The following KCNQ2 variants were observed in gnomAD, a reference collection of about 807,000 sequenced individuals.
KCNQ2 encodes potassium voltage-gated channel subfamily Q member 2.
A neutral mutation model predicts 84.8 loss-of-function variants in KCNQ2; 14 were observed. The observed-to-expected ratio is 0.17, with a 90% CI of 0.11 to 0.26. KCNQ2 has a LOEUF of 0.26. Ranked by LOEUF, KCNQ2 falls within the 10% of genes least tolerant of loss-of-function variation. The pLI, the probability that KCNQ2 is intolerant of heterozygous loss-of-function variation, is 1.00. For synonymous variants in KCNQ2, 599 were observed against 554.1 expected (o/e 1.08, Z -1.14); for missense variants, 788 against 1,254.0 (o/e 0.63, Z 5.61).
intron 4 of KCNQ2, among the ~76,000 whole-genome samples, chr20:63,443,456 A>G: frequency 8.5e-6 from 1 of 117,526 alleles, no homozygotes; most frequent in Non-Finnish European, 1.8e-5. Context: ...CACCATCACC[A>G]TCACCACCAT....
chr20:63,433,800 C>A lies in KCNQ2; in HGVS notation c.1118+9G>T. Reference sequence around the variant, plus strand: ...CAGTTGCTTGGTGGCAGGTGCCCGGCGGCGGTACCTGTACATGGGCACGGT... The same window carrying A: ...CAGTTGCTTGGTGGCAGGTGCCCGGAGGCGGTACCTGTACATGGGCACGGT... On this transcript the variant is annotated intron_variant, in intron 8 of 16. Coordinates refer to ENST00000359125, the MANE Select transcript of KCNQ2 (RefSeq NM_172107.4). 2 of 1,613,828 alleles carry A rather than the reference C, an allele frequency of 1.2e-6. No individual in the cohort carries two copies. Among genetic ancestry groups the A allele is most frequent in the Non-Finnish European group, 1.7e-6 (2 of 1,179,878 alleles).
chr20:63,455,302 C>T (rs2081749649), intron 1 of KCNQ2, among the ~76,000 whole-genome samples: 1 of 152,232 alleles, frequency 6.6e-6, no homozygotes, highest in African/African-American at 2.4e-5. Context: ...TAGCTGGTCC[C>T]CAGCCCCAGA....
At position 63,406,992 on chromosome 20, in the gene KCNQ2, C is replaced by A; in HGVS notation, c.2271G>T (p.Gly757=). ...AHERSLSAYG[G]GNRASMEFLR... ...GGAACTCCATGCTGGCGCGGTTGCC[C>A]CCGCCGTAGGCGGACAGCGACCGCT... is the stretch of plus-strand genomic sequence containing the variant. The change falls in exon 17 of 17, where the codon GGG becomes GGT. Residue 757 remains glycine, a synonymous_variant. Transcript: ENST00000359125. The A allele has an allele frequency of 6.5e-7, 1 of 1,541,676 alleles. No homozygotes were observed. The highest frequency in any genetic ancestry group is 2.4e-5 in the East Asian group (1 of 41,598).
In KCNQ2 at chr20:63,414,466, T is replaced by C. The variant is rs1022556716; in HGVS notation, c.1526-273A>G. Among the ~76,000 whole-genome samples, 6 of 152,090 alleles carry C rather than the reference T, an allele frequency of 3.9e-5. No individual in the cohort carries two copies. The highest frequency in any genetic ancestry group is 7.3e-5 in the Non-Finnish European group (5 of 68,030). On this transcript the variant is annotated intron_variant, in intron 13 of 16. Coordinates refer to ENST00000359125, the MANE Select transcript of KCNQ2 (RefSeq NM_172107.4). The surrounding 1 kb of genome is among the most constrained non-coding windows in gnomAD (Gnocchi z 6.6). ...CAATGGATGAACAGAACATGGCGCA[T>C]CCACGCACAGATGTTAACGGCGGAA...
chr20:63,411,796 T>G, intron 15 of KCNQ2: 1 of 654,102 alleles, frequency 1.5e-6, no homozygotes, highest in South Asian at 1.7e-5. Flanking sequence ...CTGGGGTGAC[T>G]CTCTCGGAGG....
intron 10 of KCNQ2, among the ~76,000 whole-genome samples, chr20:63,427,970 C>T (rs184096884): frequency 1.4e-3 from 219 of 152,366 alleles, no homozygotes; most frequent in African/African-American, 5.0e-3. Flanking sequence ...GGCACTCTGA[C>T]AGCCGTGGGC....
intron 5 of KCNQ2, among the ~76,000 whole-genome samples, chr20:63,439,956 G>A (rs949551926): frequency 2.6e-5 from 4 of 152,252 alleles, no homozygotes; most frequent in East Asian, 1.9e-4. Context: ...ATCTCACATC[G>A]AGAACCAGAG....
intron 4 of KCNQ2, 58 bp from the exon 5 acceptor site, chr20:63,442,589 C>G: frequency 1.9e-6 from 3 of 1,556,694 alleles, no homozygotes; most frequent in Non-Finnish European, 2.6e-6. Context: ...TCACCATCAC[C>G]ACCACCAACA....
chr20:63,446,981 C>A lies in KCNQ2; in HGVS notation c.297-144G>T. ...GTCTCCAGAACGCAGGACCCCACTCCCCACCCACCCCACCAGAGCTCGCTC... is the reference window on the plus strand; with the variant it reads ...GTCTCCAGAACGCAGGACCCCACTCACCACCCACCCCACCAGAGCTCGCTC... On this transcript the variant is annotated intron_variant, in intron 1 of 16. Coordinates refer to ENST00000359125, the MANE Select transcript of KCNQ2 (RefSeq NM_172107.4). The surrounding 1 kb of genome is among the most constrained non-coding windows in gnomAD (Gnocchi z 5.5). 1 of 729,530 alleles carries A rather than the reference C, an allele frequency of 1.4e-6. No individual in the cohort carries two copies. The allele number at this position is 729,530 out of a possible 1,614,324, so 45.2% of individuals were successfully genotyped here. A position where few individuals can be genotyped will look rare whatever the true frequency, so the allele number is the denominator to read the frequency against.
At chr20:63,431,128 T>C (rs1334210256) in intron 9 of KCNQ2, among the ~76,000 whole-genome samples, 1 of 151,530 alleles carries the variant, frequency 6.6e-6, no homozygotes, top group East Asian at 1.9e-4. Flanking sequence ...GGTTGGCACG[T>C]GGGCTCCAGG....
chr20:63,400,348 G>A lies in KCNQ2; in HGVS notation c.*6296C>T, dbSNP rs866273611. On this transcript the variant is annotated 3_prime_UTR_variant, in exon 17 of 17. Coordinates refer to ENST00000359125, the MANE Select transcript of KCNQ2 (RefSeq NM_172107.4). The surrounding 1 kb of genome is among the most constrained non-coding windows in gnomAD (Gnocchi z 8.7). ...CACACCCGAAGTCCCCCGCAAACCC[G>A]CACTGGCGCATTCTTACGGCTCTGG... is the stretch of plus-strand genomic sequence containing the variant. 20 of 342,194 alleles carry A rather than the reference G, an allele frequency of 5.8e-5. No individual in the cohort carries two copies. Among genetic ancestry groups the A allele is most frequent in the African/African-American group, 1.5e-4 (7 of 47,452 alleles). The allele number at this position is 342,194 out of a possible 1,614,324, so 21.2% of individuals were successfully genotyped here. A position where few individuals can be genotyped will look rare whatever the true frequency, so the allele number is the denominator to read the frequency against.
Position 63,414,413 on chromosome 20 carries a change from G to A in KCNQ2, c.1526-220C>T, listed in dbSNP as rs377273702. Among the ~76,000 whole-genome samples, 39 of 152,268 alleles carry A rather than the reference G, an allele frequency of 2.6e-4. No individual in the cohort carries two copies. In the East Asian group the frequency reaches 4.1e-3, roughly 16 times the overall value. On this transcript the variant is annotated intron_variant, in intron 13 of 16. Coordinates refer to ENST00000359125, the MANE Select transcript of KCNQ2 (RefSeq NM_172107.4). The surrounding 1 kb of genome is among the most constrained non-coding windows in gnomAD (Gnocchi z 6.6). ...CAGGCTGTGGCCACAGGGAGTGGCCGATATGGGGCGTCAAAGGACATTCTG... is the reference window on the plus strand; with the variant it reads ...CAGGCTGTGGCCACAGGGAGTGGCCAATATGGGGCGTCAAAGGACATTCTG...
At chr20:63,430,863 G>T (rs1399809448) in intron 9 of KCNQ2, among the ~76,000 whole-genome samples, 3 of 152,218 alleles carry the variant, frequency 2.0e-5, no homozygotes, top group Non-Finnish European at 4.4e-5. Flanking sequence ...AAGGACTGTG[G>T]CTGGTCTGGG....
At position 63,407,190 on chromosome 20, in the gene KCNQ2, G is replaced by A. The variant is rs2079971873; in HGVS notation, c.2073C>T (p.Arg691=). The change falls in exon 17 of 17, where the codon CGC becomes CGT. Residue 691 remains arginine, a synonymous_variant. Transcript: ENST00000359125. The surrounding 1 kb of genome is among the most constrained non-coding windows in gnomAD (Gnocchi z 7.2). ...DRHGCIVKIV[R]SSSSTGQKNF... ...TCTTCTGGCCCGTGGAGCTGCTGGA[G>A]CGCACGATCTTGACAATGCAGCCGT... is the stretch of plus-strand genomic sequence containing the variant. 1 of 1,605,870 alleles carries A rather than the reference G, an allele frequency of 6.2e-7. No homozygotes were observed. The highest frequency in any genetic ancestry group is 1.7e-5 in the Admixed American group (1 of 59,822).
intron 7 of KCNQ2, among the ~76,000 whole-genome samples, chr20:63,436,931 C>G (rs2081027600): frequency 6.6e-6 from 1 of 152,024 alleles, no homozygotes; most frequent in Non-Finnish European, 1.5e-5. Context: ...CGTGTGCCAC[C>G]ACGCCCAGCT....
chr20:63,439,919 C>T (rs564822761), intron 5 of KCNQ2: 118 of 627,172 alleles, frequency 1.9e-4, no homozygotes, highest in South Asian at 1.6e-3. Flanking sequence ...AGGCCAGAAG[C>T]GGGGTCCAGC....
chr20:63,406,775 C>T lies in KCNQ2; in HGVS notation c.2488G>A (p.Val830Ile), dbSNP rs1251243691. Residue 830 changes from valine to isoleucine, a missense_variant, in exon 17 of 17, where the codon GTC becomes ATC. Coordinates refer to ENST00000359125, the MANE Select transcript of KCNQ2 (RefSeq NM_172107.4). ...CYAAVAPCAK[V>I]RPYIAEGESD... ...TCTCCCTCCGCAATGTAGGGCCTGACTTTGGCACAAGGCGCCACGGCCGCG... is the reference window on the plus strand; with the variant it reads ...TCTCCCTCCGCAATGTAGGGCCTGATTTTGGCACAAGGCGCCACGGCCGCG... The T allele has an allele frequency of 6.2e-7, 1 of 1,612,596 alleles. No homozygotes were observed. The highest frequency in any genetic ancestry group is 8.5e-7 in the Non-Finnish European group (1 of 1,179,852).
rs371144165 is a variant in KCNQ2 at position 63,407,856 on chromosome 20, C to A, written c.1888-481G>T. The stretch of plus-strand genomic sequence containing the variant: ...TTCCTCCTTCCCAGACCCCTAGGGG[C>A]AAAGCCTCCAGCTCCACGGTTGGGG... On this transcript the variant is annotated intron_variant, in intron 16 of 16. Coordinates refer to ENST00000359125, the MANE Select transcript of KCNQ2 (RefSeq NM_172107.4). This position sits in a 1 kb window ranked among gnomAD's most constrained non-coding sequence, Gnocchi z 7.2. 2 of 201,782 alleles carry A rather than the reference C, an allele frequency of 9.9e-6. No individual in the cohort carries two copies. The highest frequency in any genetic ancestry group is 2.3e-5 in the African/African-American group (1 of 42,738). The allele number at this position is 201,782 out of a possible 1,614,324, so 12.5% of individuals were successfully genotyped here.
At chr20:63,459,284 G>A (rs1054053425) in intron 1 of KCNQ2, among the ~76,000 whole-genome samples, 1 of 152,238 alleles carries the variant, frequency 6.6e-6, no homozygotes, top group East Asian at 1.9e-4. Flanking sequence ...GCGAGGCCGA[G>A]GCAGGAGGAC....
Sources: allele counts gnomAD v4.1 joint callset (sites outside exome capture counted in the v4.1 genomes callset), GRCh38; gene constraint gnomAD v4.1.1; non-coding constraint Gnocchi (gnomAD v3.1); transcripts MANE v1.5; gene names NCBI Gene and HGNC (gene_info 2026-07-23, HGNC 2026-07-21).